Variants in ADAMTSL1 observed in about 807,000 individuals in gnomAD.
ADAMTSL1 encodes the protein ADAMTS-like protein 1.
In ADAMTSL1, 126 loss-of-function variants were observed where a neutral mutation model predicts 201.8. The observed-to-expected ratio is 0.62, with a 90% CI of 0.54 to 0.72. ADAMTSL1 has a LOEUF of 0.72. Among genes scored for constraint, ADAMTSL1 ranks in the 30% least tolerant of loss-of-function variants. The probability of loss-of-function intolerance (pLI) is 0.00; values close to 1 mark genes in which losing one functional copy is unlikely to be tolerated. For missense variants in ADAMTSL1, 2,679 were observed against 2,277.8 expected, an observed-to-expected ratio of 1.18 and a Z score of -3.59; for synonymous variants, 1,121 against 903.4, an observed-to-expected ratio of 1.24 and a Z score of -4.32.
At chr9:18,563,957 G>A (rs1028213883) in intron 3 of ADAMTSL1, among the ~76,000 whole-genome samples, 1 of 152,166 alleles carries the variant, frequency 6.6e-6, no homozygotes, top group African/African-American at 2.4e-5. Flanking sequence ...CTCCATGGGG[G>A]TGGCATCCGC....
In ADAMTSL1 at chr9:18,377,811, G is replaced by A. The variant is rs55908572; in HGVS notation, c.208-127018G>A. 6.2e-4 allele frequency among the ~76,000 whole-genome samples: 95 copies of A among 152,046 alleles called. 1 individual carries two copies. The highest frequency in any genetic ancestry group is 1.1e-3 in the Non-Finnish European group (74 of 67,974). ...TTGAACTCCTGACCTCAGGTGATCC[G>A]CCCACCTCAGCCTCCCAAAGTGCTG... is the stretch of plus-strand genomic sequence containing the variant. On this transcript the variant is annotated intron_variant, in intron 2 of 29. Transcript: ENST00000680146.
At chr9:18,017,408 C>T (rs1286884303) in intron 1 of ADAMTSL1, among the ~76,000 whole-genome samples, 1 of 151,896 alleles carries the variant, frequency 6.6e-6, no homozygotes, top group Non-Finnish European at 1.5e-5. Context: ...TCAGCACTGA[C>T]AGTTTGTTTT....
chr9:18,326,157 A>G (rs1834823563), intron 2 of ADAMTSL1, among the ~76,000 whole-genome samples: 2 of 152,220 alleles, frequency 1.3e-5, no homozygotes, highest in Admixed American at 6.5e-5. Flanking sequence ...GAGAGGATCA[A>G]GTTTCAACAT....
At chr9:18,371,043 AT>A (rs1173297956) in intron 2 of ADAMTSL1, among the ~76,000 whole-genome samples, 1 of 152,076 alleles carries the variant, frequency 6.6e-6, no homozygotes, top group Non-Finnish European at 1.5e-5. Context: ...ATATCCAATT[AT>A]TTTTTTAATT....
intron 1 of ADAMTSL1, among the ~76,000 whole-genome samples, chr9:17,956,862 T>C (rs1258121628): frequency 3.3e-5 from 5 of 152,186 alleles, no homozygotes; most frequent in Admixed American, 2.6e-4. Flanking sequence ...TTATATTTCA[T>C]TGGGGCTATT....
chr9:18,272,518 A>G (rs1318237423), intron 2 of ADAMTSL1, among the ~76,000 whole-genome samples: 1 of 152,192 alleles, frequency 6.6e-6, no homozygotes, highest in African/African-American at 2.4e-5. Flanking sequence ...AAGAAAACCT[A>G]GGCAATACCA....
chr9:18,882,120 C>T (rs1828571246), intron 23 of ADAMTSL1, among the ~76,000 whole-genome samples: 2 of 152,212 alleles, frequency 1.3e-5, no homozygotes, highest in Non-Finnish European at 2.9e-5. Flanking sequence ...TAGTGACCAA[C>T]CTAGGGGCTG....
At chr9:18,626,918 TTC>T (rs1826419719) in intron 5 of ADAMTSL1, among the ~76,000 whole-genome samples, 1 of 150,746 alleles carries the variant, frequency 6.6e-6, no homozygotes, top group Non-Finnish European at 1.5e-5. Context: ...TTTTCTTTTT[TTC>T]TTTTTCTTTC....
intron 4 of ADAMTSL1, among the ~76,000 whole-genome samples, chr9:18,596,264 A>G (rs1245719206): frequency 6.6e-6 from 1 of 152,184 alleles, no homozygotes; most frequent in Non-Finnish European, 1.5e-5. Flanking sequence ...ATAATTGTGT[A>G]GTGATGAGAT....
chr9:18,254,246 A>G (rs1298193976), intron 2 of ADAMTSL1, among the ~76,000 whole-genome samples: 1 of 140,976 alleles, frequency 7.1e-6, no homozygotes, highest in Non-Finnish European at 1.5e-5. Flanking sequence ...AGTCATCATT[A>G]TTATTTGAGG....
At chr9:18,211,802 G>C (rs752368775) in intron 2 of ADAMTSL1, among the ~76,000 whole-genome samples, 12 of 152,142 alleles carry the variant, frequency 7.9e-5, no homozygotes, top group Non-Finnish European at 1.6e-4. Flanking sequence ...TGCTTCAAAT[G>C]TTCCATTGAA....
intron 4 of ADAMTSL1, among the ~76,000 whole-genome samples, chr9:18,620,018 T>A (rs1332709): frequency 0.013 from 703 of 52,558 alleles, 7 homozygotes; most frequent in Middle Eastern, 0.078. Context: ...TTTTCTGATT[T>A]TTTTTTTTTT....
intron 2 of ADAMTSL1, among the ~76,000 whole-genome samples, chr9:18,412,545 T>C (rs1010135757): frequency 6.6e-6 from 1 of 152,190 alleles, no homozygotes; most frequent in Admixed American, 6.5e-5. Context: ...GCTTCATTCT[T>C]TTCCTTTATT....
chr9:18,147,767 T>G (rs908145911), intron 1 of ADAMTSL1, among the ~76,000 whole-genome samples: 3 of 152,104 alleles, frequency 2.0e-5, no homozygotes, highest in Non-Finnish European at 1.5e-5. Flanking sequence ...TGATTGAGCT[T>G]CAGGGTTCCA....
intron 4 of ADAMTSL1, among the ~76,000 whole-genome samples, chr9:18,615,238 C>T (rs910029117): frequency 2.6e-5 from 4 of 152,084 alleles, no homozygotes; most frequent in Non-Finnish European, 5.9e-5. Flanking sequence ...AACAAACAAA[C>T]AAAAAAACCA....
At position 18,099,353 on chromosome 9, in the gene ADAMTSL1, A is replaced by T. The variant is rs1379811430; in HGVS notation, c.88-64509A>T. Among the ~76,000 whole-genome samples the T allele has an allele frequency of 2.4e-3, 110 of 45,838 alleles. 2 individuals carry two copies. Among genetic ancestry groups the T allele is most frequent in the East Asian group, 9.3e-3 (19 of 2,046 alleles). The allele number at this position is 45,838 out of a possible 152,430, so 30.1% of individuals were successfully genotyped here. On this transcript the variant is annotated intron_variant, in intron 1 of 29. Transcript: ENST00000680146. ...TATATATATATATATATATATATAT[A>T]TATTTTTTTTTTTTTTTTTAACATC...
chr9:18,791,510 G>T (rs944426095), intron 19 of ADAMTSL1, among the ~76,000 whole-genome samples: 4 of 151,972 alleles, frequency 2.6e-5, no homozygotes, highest in Non-Finnish European at 1.5e-5. Context: ...GTCCCAAAGG[G>T]ATTATAGGGT....
intron 1 of ADAMTSL1, among the ~76,000 whole-genome samples, chr9:17,973,956 G>C (rs1222456230): frequency 2.6e-5 from 4 of 150,958 alleles, no homozygotes; most frequent in Non-Finnish European, 4.4e-5. Flanking sequence ...TCATGATTTG[G>C]CTCTCTGTTT....
chr9:18,091,579 G>C (rs2131815496), intron 1 of ADAMTSL1, among the ~76,000 whole-genome samples: 1 of 152,252 alleles, frequency 6.6e-6, no homozygotes, highest in Admixed American at 6.5e-5. Context: ...AGACATTAGA[G>C]TCAGTGACAT....
Sources: allele counts gnomAD v4.1 joint callset (sites outside exome capture counted in the v4.1 genomes callset), GRCh38; gene constraint gnomAD v4.1.1; transcripts MANE v1.5; gene names NCBI Gene and HGNC (gene_info 2026-07-23, HGNC 2026-07-21).